The following MOCS2 variants were observed in gnomAD, a reference collection of about 807,000 sequenced individuals.
MOCS2 encodes molybdopterin synthase catalytic subunit.
MOCS2 carries 13 observed loss-of-function variants against 21.9 expected under a neutral mutation model. That is an observed-to-expected ratio of 0.59 (90% confidence interval 0.39 to 0.94). MOCS2 has a LOEUF of 0.94. Ranked by LOEUF, MOCS2 falls within the 40% of genes least tolerant of loss-of-function variation. MOCS2 has a pLI of 0.00. For missense variants in MOCS2, 227 were observed against 218.3 expected, an observed-to-expected ratio of 1.04 and a Z score of -0.25; for synonymous variants, 92 against 80.8, an observed-to-expected ratio of 1.14 and a Z score of -0.74.
chr5:53,102,030 C>T, intron 4 of MOCS2, 67 bp downstream of exon 4: 1 of 1,535,766 alleles, frequency 6.5e-7, no homozygotes, highest in Non-Finnish European at 9.0e-7. Flanking sequence ...TAACACTGAA[C>T]ATGGAAAGCA....
intron 3 of MOCS2, among the ~76,000 whole-genome samples, chr5:53,104,157 C>G (rs993979594): frequency 1.3e-5 from 2 of 152,178 alleles, no homozygotes; most frequent in Non-Finnish European, 2.9e-5. Flanking sequence ...CTTTCCACCA[C>G]GGAAACAGCA....
At chr5:53,099,655 G>GTGGTAGAATGACTTTAATGGGTAGA (rs1740852612) in intron 6 of MOCS2, among the ~76,000 whole-genome samples, 1 of 152,208 alleles carries the variant, frequency 6.6e-6, no homozygotes, top group Admixed American at 6.5e-5. Flanking sequence ...GACTGAGGCA[G>GTGGTAGAATGACTTTAATGGGTAGA]GTCCCCTGGG....
rs561616124 is a variant in MOCS2, at chr5:53,103,134, C to T, written c.99-910G>A. On this transcript the variant is annotated intron_variant, in intron 3 of 6. Transcript: ENST00000396954. ...AATGTGTTAGGAGGCATGATTTGATCTGAATGATAAAAATAAGCAAGTGTA... is the reference window on the plus strand; with the variant it reads ...AATGTGTTAGGAGGCATGATTTGATTTGAATGATAAAAATAAGCAAGTGTA... Among the ~76,000 whole-genome samples, 23 of 152,008 alleles carry T rather than the reference C, an allele frequency of 1.5e-4. 1 individual carries two copies. In the South Asian group the frequency reaches 1.9e-3, roughly 12 times the overall value.
Position 53,100,419 on chromosome 5 carries a change from A to G in MOCS2, c.493T>C (p.Trp165Arg), listed in dbSNP as rs759643259. Residue 165 changes from tryptophan to arginine, a missense_variant, in exon 6 of 7, where the codon TGG becomes CGG. Transcript: ENST00000396954. ...IDTLKAKVPI[W>R]KKEIYEESST... ...TTATTTTCTTAACTTACCTTTTTCCATATGGGCACCTTGGCTTTTAAAGTA... is the reference window on the plus strand; with the variant it reads ...TTATTTTCTTAACTTACCTTTTTCCGTATGGGCACCTTGGCTTTTAAAGTA... The G allele has an allele frequency of 3.7e-6, 6 of 1,613,866 alleles. No individual in the cohort carries two copies. The highest frequency in any genetic ancestry group is 5.1e-6 in the Non-Finnish European group (6 of 1,179,782).
At chr5:53,100,773 TG>T in intron 5 of MOCS2, 1 of 491,686 alleles carries the variant, frequency 2.0e-6, no homozygotes, top group South Asian at 2.1e-5. Context: ...ACCCTCCTGA[TG>T]GGCACCAAGG....
chr5:53,103,165 T>C (rs1740963424), intron 3 of MOCS2, among the ~76,000 whole-genome samples: 1 of 152,060 alleles, frequency 6.6e-6, no homozygotes, highest in Non-Finnish European at 1.5e-5. Flanking sequence ...GTGTAAAAAT[T>C]AACAAAACTC....
At chr5:53,102,440 G>C (rs1740939937) in intron 3 of MOCS2, among the ~76,000 whole-genome samples, 1 of 152,054 alleles carries the variant, frequency 6.6e-6, no homozygotes, top group Non-Finnish European at 1.5e-5. Flanking sequence ...GCACTCCCTC[G>C]GCCTTTGTTG....
intron 4 of MOCS2, 65 bp downstream of exon 4, chr5:53,102,032 T>C: frequency 1.1e-5 from 17 of 1,545,856 alleles, no homozygotes; most frequent in Non-Finnish European, 1.4e-5. Context: ...ACACTGAACA[T>C]GGAAAGCACA....
In MOCS2 at chr5:53,107,093, C is replaced by CTA. The variant is rs760008907; in HGVS notation, c.81_82insTA (p.Ala28Ter). The CTA allele has an allele frequency of 1.8e-5, 29 of 1,614,008 alleles. No homozygotes were observed. Among genetic ancestry groups the CTA allele is most frequent in the Non-Finnish European group, 8.5e-6 (10 of 1,180,000 alleles). ...CTCACATACCTAGATGGCTCAAAAG[C>CTA]ACTATCCTCCACTAATGGGGGGGAT... On this transcript the variant is annotated frameshift_variant, in exon 3 of 7. Coordinates refer to ENST00000396954, the MANE Select transcript of MOCS2 (RefSeq NM_004531.5). LOFTEE classifies it high-confidence loss of function.
rs1367105931 is a variant in MOCS2, at chr5:53,097,924, C to A, written c.*678G>T. 2 of 151,972 alleles carry A rather than the reference C, an allele frequency of 1.3e-5. No homozygotes were observed. Among genetic ancestry groups the A allele is most frequent in the African/African-American group, 2.4e-5 (1 of 41,364 alleles). 9.4% of individuals were successfully genotyped at this position (151,972 alleles called of 1,614,324 possible). Reference sequence around the variant, plus strand: ...TAGTTAGCTTTATGACAATTTTGTGCTGATTTGTATATTGATACAAAATTA... The same window carrying A: ...TAGTTAGCTTTATGACAATTTTGTGATGATTTGTATATTGATACAAAATTA... On this transcript the variant is annotated 3_prime_UTR_variant, in exon 7 of 7. Coordinates refer to ENST00000396954, the MANE Select transcript of MOCS2 (RefSeq NM_004531.5).
intron 2 of MOCS2, 149 bp from the exon 3 acceptor site, chr5:53,107,370 A>T: frequency 1.4e-6 from 1 of 713,864 alleles, no homozygotes; most frequent in Non-Finnish European, 2.3e-6. Flanking sequence ...ATATGGAGAA[A>T]GGACATATCC....
chr5:53,105,692 AAAAAGCAATTGCAGC>A (rs1377689013), intron 3 of MOCS2, among the ~76,000 whole-genome samples: 1 of 152,118 alleles, frequency 6.6e-6, no homozygotes, highest in Non-Finnish European at 1.5e-5. Flanking sequence ...AAGAAGACTC[AAAAAGCAATTGCAGC>A]AAAAGCAAAA....
At chr5:53,102,350 C>T (rs1004099457) in intron 3 of MOCS2, 126 bp from the exon 4 acceptor site, 2 of 929,086 alleles carry the variant, frequency 2.2e-6, no homozygotes, top group Non-Finnish European at 3.2e-6. Context: ...GGCTGTGGCA[C>T]AAAATATAGT....
chr5:53,098,547 A>G lies in MOCS2; in HGVS notation c.*55T>C. ...GTGGAGAGAAAAAAATCAAAATGTG[A>G]TCAATAATAATAGTTTAACAAAGTT... On this transcript the variant is annotated 3_prime_UTR_variant, in exon 7 of 7. Transcript: ENST00000396954. The G allele has an allele frequency of 1.4e-6, 2 of 1,474,326 alleles. No homozygotes were observed. Among genetic ancestry groups the G allele is most frequent in the South Asian group, 2.3e-5 (2 of 88,190 alleles). 91.3% of individuals were successfully genotyped at this position (1,474,326 alleles called of 1,614,324 possible).
intron 1 of MOCS2, 112 bp from the exon 2 acceptor site, chr5:53,108,755 AT>A: frequency 9.1e-7 from 1 of 1,103,018 alleles, no homozygotes; most frequent in South Asian, 1.8e-5. Context: ...GACAAATTTT[AT>A]AAAGAAAATT....
chr5:53,098,580 C>A lies in MOCS2; in HGVS notation c.*22G>T, dbSNP rs201639691. 3 of 1,600,772 alleles carry A rather than the reference C, an allele frequency of 1.9e-6. No individual in the cohort carries two copies. The highest frequency in any genetic ancestry group is 2.2e-5 in the East Asian group (1 of 44,730). The stretch of plus-strand genomic sequence containing the variant: ...TAATAGTTTAACAAAGTTAAGATTG[C>A]ATGCTCTAAAAACATAAGTGATTAA... On this transcript the variant is annotated 3_prime_UTR_variant, in exon 7 of 7. Coordinates refer to ENST00000396954, the MANE Select transcript of MOCS2 (RefSeq NM_004531.5).
At chr5:53,100,644 C>A in intron 5 of MOCS2, 110 bp from the exon 6 acceptor site, 1 of 1,132,596 alleles carries the variant, frequency 8.8e-7, no homozygotes. Flanking sequence ...TAGAATTATA[C>A]TGTAGTTCTA....
chr5:53,102,701 C>T (rs1165861824), intron 3 of MOCS2, among the ~76,000 whole-genome samples: 1 of 152,128 alleles, frequency 6.6e-6, no homozygotes, highest in Admixed American at 6.5e-5. Flanking sequence ...AATCCCACCA[C>T]TTTGGGAGGC....
intron 1 of MOCS2, among the ~76,000 whole-genome samples, 158 bp downstream of exon 1, chr5:53,109,093 C>A (rs533892482): frequency 6.6e-6 from 1 of 152,328 alleles, no homozygotes; most frequent in South Asian, 2.1e-4. Flanking sequence ...GTCTGTATAA[C>A]ATCGTCCCCA....
Sources: gnomAD v4.1 joint callset for allele counts (sites outside exome capture counted in the v4.1 genomes callset) on GRCh38, gnomAD v4.1.1 for gene constraint, MANE v1.5 for transcripts, NCBI Gene and HGNC (gene_info 2026-07-23, HGNC 2026-07-21) for gene names.